The following LIMS1 variants were observed in gnomAD, a reference collection of about 807,000 sequenced individuals.
The protein encoded by LIMS1 is LIM zinc finger domain containing 1.
In LIMS1, 18 loss-of-function variants were observed where a neutral mutation model predicts 44.1. The observed-to-expected ratio is 0.41, with a 90% confidence interval of 0.28 to 0.61. The LOEUF (loss-of-function observed/expected upper bound fraction) is 0.61, where lower values mean the gene tolerates loss of function less well. Among genes scored for constraint, LIMS1 ranks in the 20% least tolerant of loss-of-function variants. LIMS1 has a pLI of 0.32. For synonymous variants in LIMS1, 93 were observed against 149.1 expected (o/e 0.62, Z 2.74); for missense variants, 201 against 422.0 (o/e 0.48, Z 4.59).
chr2:108,615,782 G>A (rs1467768864), intron 1 of LIMS1, among the ~76,000 whole-genome samples: 1 of 152,212 alleles, frequency 6.6e-6, no homozygotes, highest in Non-Finnish European at 1.5e-5. Flanking sequence ...TGAAAACCAA[G>A]TAATGTTAGC....
At chr2:108,563,203 C>T (rs1685182808) in intron 1 of LIMS1, among the ~76,000 whole-genome samples, 2 of 152,202 alleles carry the variant, frequency 1.3e-5, no homozygotes, top group African/African-American at 4.8e-5. Context: ...ATGTTATTTC[C>T]ATGCCTATTA....
intron 1 of LIMS1, among the ~76,000 whole-genome samples, chr2:108,550,356 G>C (rs943336734): frequency 6.7e-6 from 1 of 149,198 alleles, no homozygotes; most frequent in African/African-American, 2.5e-5. Flanking sequence ...AAAATTAGCC[G>C]GGCGCGGTGG....
rs538515007 is a variant in LIMS1, at chr2:108,568,894, G to A, written c.32+34300G>A. ...ACCAGGCTATTTGATTTTTTTTGGC[G>A]TTGTTCTTTTTTTTTGAGATGGAGT... On this transcript the variant is annotated intron_variant, in intron 1 of 9. Coordinates refer to ENST00000544547, the Ensembl canonical transcript of LIMS1. Among the ~76,000 whole-genome samples, 32 of 151,876 alleles carry A rather than the reference G, an allele frequency of 2.1e-4. 1 individual carries two copies. In the South Asian group the frequency reaches 3.5e-3, roughly 17 times the overall value.
intron 1 of LIMS1, among the ~76,000 whole-genome samples, chr2:108,632,646 C>T (rs1179859209): frequency 6.6e-6 from 1 of 152,114 alleles, no homozygotes; most frequent in Non-Finnish European, 1.5e-5. Context: ...CTCTCTGCCT[C>T]CTCAGCTTTG....
chr2:108,598,226 A>G (rs1035244268), intron 1 of LIMS1, among the ~76,000 whole-genome samples: 1 of 151,660 alleles, frequency 6.6e-6, no homozygotes, highest in African/African-American at 2.4e-5. Context: ...AAAGCCCTCC[A>G]TCTAGTAAGT....
intron 1 of LIMS1, among the ~76,000 whole-genome samples, chr2:108,593,501 G>A (rs1044814879): frequency 1.3e-5 from 2 of 152,138 alleles, no homozygotes; most frequent in African/African-American, 2.4e-5. Context: ...TTTGTGAAAA[G>A]GGACATAGAC....
chr2:108,556,770 A>G (rs1684938028), intron 1 of LIMS1, among the ~76,000 whole-genome samples: 1 of 152,180 alleles, frequency 6.6e-6, no homozygotes. Flanking sequence ...CCCAGAAGGA[A>G]TGCTGAGGGC....
intron 1 of LIMS1, among the ~76,000 whole-genome samples, chr2:108,581,086 T>A (rs777370887): frequency 9.2e-5 from 14 of 152,082 alleles, no homozygotes; most frequent in Non-Finnish European, 1.9e-4. Context: ...CTTAGGCAGG[T>A]TTGGGTCTGA....
intron 1 of LIMS1, among the ~76,000 whole-genome samples, chr2:108,650,610 G>C (rs1475270992): frequency 6.6e-6 from 1 of 151,870 alleles, no homozygotes; most frequent in Non-Finnish European, 1.5e-5. Context: ...TAGAGACAGG[G>C]TTTCATCATG....
chr2:108,636,543 A>G (rs1301821660), intron 1 of LIMS1, among the ~76,000 whole-genome samples: 2 of 152,218 alleles, frequency 1.3e-5, no homozygotes, highest in Non-Finnish European at 2.9e-5. Context: ...ACAAGGTCTC[A>G]GTGCTGCTCA....
At chr2:108,617,546 G>T (rs541129146) in intron 1 of LIMS1, among the ~76,000 whole-genome samples, 6 of 152,298 alleles carry the variant, frequency 3.9e-5, no homozygotes, top group African/African-American at 9.6e-5. Flanking sequence ...ACATGACATT[G>T]TAAAATGATT....
chr2:108,613,180 C>T (rs978968221), intron 1 of LIMS1, among the ~76,000 whole-genome samples: 4 of 152,126 alleles, frequency 2.6e-5, no homozygotes, highest in African/African-American at 7.2e-5. Context: ...GGTACTCCAA[C>T]GTCAGTTGTT....
Position 108,549,761 on chromosome 2 carries a change from G to T in LIMS1, c.32+15167G>T, listed in dbSNP as rs577294315. Among the ~76,000 whole-genome samples, 3 of 152,206 alleles carry T rather than the reference G, an allele frequency of 2.0e-5. No homozygotes were observed. The East Asian group carries it at 5.8e-4, about 29-fold the overall frequency. ...AGAATTATTATGAAGTTCGTTGAGAGGAATAAACAGGCAAGAATAGCAAAA... is the reference window on the plus strand; with the variant it reads ...AGAATTATTATGAAGTTCGTTGAGATGAATAAACAGGCAAGAATAGCAAAA... On this transcript the variant is annotated intron_variant, in intron 1 of 9. Coordinates refer to ENST00000544547, the Ensembl canonical transcript of LIMS1.
At chr2:108,684,050 T>G (rs775661598) in exon 10 of LIMS1, 1 of 954,996 alleles carries the variant, frequency 1.0e-6, no homozygotes, top group Non-Finnish European at 1.6e-6. Context: ...CCAACATTAC[T>G]TGTCTTGATC....
At chr2:108,584,840 G>T (rs1017457385) in intron 1 of LIMS1, among the ~76,000 whole-genome samples, 18 of 151,986 alleles carry the variant, frequency 1.2e-4, no homozygotes, top group African/African-American at 4.3e-4. Flanking sequence ...CCAGGGATGA[G>T]GGTTTGGGGA....
intron 1 of LIMS1, among the ~76,000 whole-genome samples, chr2:108,577,776 A>G (rs1685723225): frequency 6.6e-6 from 1 of 152,240 alleles, no homozygotes. Flanking sequence ...TGGGAACTTA[A>G]TAAAGTATTT....
At chr2:108,611,120 T>C (rs577243109) in intron 1 of LIMS1, among the ~76,000 whole-genome samples, 4 of 152,352 alleles carry the variant, frequency 2.6e-5, no homozygotes, top group African/African-American at 7.2e-5. Context: ...TACACCGTTA[T>C]GGTTTAAAAC....
rs143962355 is a variant in LIMS1, at chr2:108,539,257, G to A, written c.32+4663G>A. ...TGCCACTATGCCCGGCTAATATTTT[G>A]TATTTTTTGTAGTGACAGGGTTTCC... On this transcript the variant is annotated intron_variant, in intron 1 of 9. Coordinates refer to ENST00000544547, the Ensembl canonical transcript of LIMS1. Among the ~76,000 whole-genome samples the A allele has an allele frequency of 5.0e-3, 757 of 152,250 alleles. 6 individuals carry two copies. The highest frequency in any genetic ancestry group is 7.6e-3 in the Non-Finnish European group (514 of 68,016).
At chr2:108,542,677 C>T (rs894178004) in intron 1 of LIMS1, among the ~76,000 whole-genome samples, 1 of 152,216 alleles carries the variant, frequency 6.6e-6, no homozygotes, top group Non-Finnish European at 1.5e-5. Flanking sequence ...ATACCACAGT[C>T]CTTCTTTCTG....
Sources: allele counts gnomAD v4.1 joint callset (sites outside exome capture counted in the v4.1 genomes callset), GRCh38; gene constraint gnomAD v4.1.1; transcripts MANE v1.5; gene names NCBI Gene and HGNC (gene_info 2026-07-23, HGNC 2026-07-21).